The following KCNK2 variants were observed in gnomAD, a reference collection of about 807,000 sequenced individuals.
The protein encoded by KCNK2 is potassium channel subfamily K member 2.
Under a neutral mutation model 40.5 loss-of-function variants are expected in KCNK2, and 21 were observed. That is an observed-to-expected ratio of 0.52 (90% CI 0.37 to 0.75). The LOEUF is 0.75. Among genes scored for constraint, KCNK2 ranks in the 30% least tolerant of loss-of-function variants. The pLI, the probability that KCNK2 is intolerant of heterozygous loss-of-function variation, is 0.00. For missense variants in KCNK2, 399 were observed against 531.6 expected, an observed-to-expected ratio of 0.75 and a Z score of 2.45; for synonymous variants, 191 against 202.2, an observed-to-expected ratio of 0.94 and a Z score of 0.47.
intron 1 of KCNK2, among the ~76,000 whole-genome samples, chr1:215,065,230 A>G (rs972773005): frequency 4.6e-5 from 7 of 152,236 alleles, no homozygotes; most frequent in Non-Finnish European, 1.0e-4. Context: ...GCCCTGAGAT[A>G]AATCTTACAA....
At position 215,107,249 on chromosome 1, in the gene KCNK2, T is replaced by C. The variant is rs553844054; in HGVS notation, c.358-17384T>C. 3.9e-5 allele frequency among the ~76,000 whole-genome samples: 6 copies of C among 152,228 alleles called. No individual in the cohort carries two copies. The South Asian group carries it at 1.0e-3, about 26-fold the overall frequency. The stretch of plus-strand genomic sequence containing the variant: ...AACACTTTTCCATCTGTTTGTGTCA[T>C]CTATGATATTTTTCAGCAGTGTCAT... On this transcript the variant is annotated intron_variant, in intron 2 of 6. Coordinates refer to ENST00000444842, the MANE Select transcript of KCNK2 (RefSeq NM_001017425.3).
chr1:215,119,898 G>T (rs1661105437), intron 2 of KCNK2, among the ~76,000 whole-genome samples: 1 of 152,208 alleles, frequency 6.6e-6, no homozygotes, highest in Non-Finnish European at 1.5e-5. Context: ...CTGAACTGAT[G>T]TTGAAATTTC....
intron 6 of KCNK2, among the ~76,000 whole-genome samples, chr1:215,213,526 G>C (rs924585833): frequency 1.3e-5 from 2 of 152,134 alleles, no homozygotes; most frequent in African/African-American, 2.4e-5. Flanking sequence ...CAGGAGAATC[G>C]CTTGAACCCG....
intron 5 of KCNK2, 150 bp from the exon 6 acceptor site, chr1:215,194,803 C>A: frequency 5.3e-6 from 3 of 569,460 alleles, no homozygotes; most frequent in East Asian, 3.2e-5. Flanking sequence ...AGGAGAAATT[C>A]AAAATGAAGA....
intron 3 of KCNK2, among the ~76,000 whole-genome samples, chr1:215,168,898 A>G (rs1001492989): frequency 2.0e-5 from 3 of 152,130 alleles, no homozygotes; most frequent in Non-Finnish European, 2.9e-5. Flanking sequence ...TTTAATGAAA[A>G]TATGATTTTG....
chr1:215,016,939 C>T (rs7535449), intron 1 of KCNK2, among the ~76,000 whole-genome samples: 35,225 of 151,992 alleles, frequency 0.23, 4,725 homozygotes, highest in South Asian at 0.5. Flanking sequence ...GGGCAAAGGA[C>T]CTGAGTAGAC....
intron 6 of KCNK2, among the ~76,000 whole-genome samples, chr1:215,227,826 G>A (rs1666453583): frequency 6.6e-6 from 1 of 152,048 alleles, no homozygotes; most frequent in Non-Finnish European, 1.5e-5. Flanking sequence ...AATTGGAGCT[G>A]GTTGTAAGAT....
chr1:215,219,653 CTCTG>C (rs746461303), intron 6 of KCNK2, among the ~76,000 whole-genome samples: 3 of 152,078 alleles, frequency 2.0e-5, no homozygotes, highest in Admixed American at 1.3e-4. Flanking sequence ...CTCCTCTTTT[CTCTG>C]TCTATTTAAT....
intron 3 of KCNK2, among the ~76,000 whole-genome samples, chr1:215,133,702 A>G (rs1470408604): frequency 6.6e-6 from 1 of 151,630 alleles, no homozygotes; most frequent in Non-Finnish European, 1.5e-5. Context: ...GGTAGGGTGC[A>G]TATTGCATGA....
chr1:215,177,098 A>C (rs569248502), intron 5 of KCNK2, among the ~76,000 whole-genome samples: 1 of 152,020 alleles, frequency 6.6e-6, no homozygotes, highest in East Asian at 1.9e-4. Flanking sequence ...ACTGATGTTG[A>C]GTTTTTTTTC....
intron 5 of KCNK2, among the ~76,000 whole-genome samples, chr1:215,176,936 C>T (rs986208405): frequency 1.3e-5 from 2 of 152,164 alleles, no homozygotes; most frequent in African/African-American, 4.8e-5. Context: ...AATGGTTGAA[C>T]TAATTTACAT....
At chr1:215,070,407 C>T (rs1293601462) in intron 1 of KCNK2, among the ~76,000 whole-genome samples, 187 of 114,092 alleles carry the variant, frequency 1.6e-3, no homozygotes, top group Non-Finnish European at 2.2e-3. Context: ...CAGAGTGAGA[C>T]CCCGTCTTAA....
At chr1:215,163,924 C>T (rs1181639088) in intron 3 of KCNK2, among the ~76,000 whole-genome samples, 1 of 152,074 alleles carries the variant, frequency 6.6e-6, no homozygotes, top group Non-Finnish European at 1.5e-5. Context: ...CAGGATGATG[C>T]TGGCCTCATA....
intron 6 of KCNK2, among the ~76,000 whole-genome samples, chr1:215,230,020 T>C (rs1666557328): frequency 7.5e-6 from 1 of 132,610 alleles, no homozygotes; most frequent in African/African-American, 3.8e-5. Context: ...ACACAGATTA[T>C]ATATATATAT....
chr1:215,215,758 C>T (rs1665935561), intron 6 of KCNK2, among the ~76,000 whole-genome samples: 8 of 152,100 alleles, frequency 5.3e-5, no homozygotes, highest in Admixed American at 5.2e-4. Context: ...TTATTTTTCC[C>T]CATATTCCAA....
intron 6 of KCNK2, among the ~76,000 whole-genome samples, chr1:215,223,763 A>G (rs1666276460): frequency 6.6e-6 from 1 of 152,174 alleles, no homozygotes; most frequent in African/African-American, 2.4e-5. Flanking sequence ...GAGATGGACT[A>G]TTTAGAAAAC....
chr1:215,022,268 C>T (rs1656832849), intron 1 of KCNK2, among the ~76,000 whole-genome samples: 1 of 152,086 alleles, frequency 6.6e-6, no homozygotes, highest in African/African-American at 2.4e-5. Flanking sequence ...CCCATGTTTT[C>T]TTCTGGGTTC....
intron 6 of KCNK2, among the ~76,000 whole-genome samples, chr1:215,220,455 C>A (rs1666124872): frequency 6.6e-6 from 1 of 152,172 alleles, no homozygotes; most frequent in African/African-American, 2.4e-5. Context: ...TCACCCATCT[C>A]AGACTCTGAA....
intron 1 of KCNK2, among the ~76,000 whole-genome samples, chr1:215,075,390 T>C (rs1288062721): frequency 6.6e-6 from 1 of 152,216 alleles, no homozygotes; most frequent in Admixed American, 6.5e-5. Context: ...GGTGAGGCAC[T>C]TTAATTTGAA....
Sources: gnomAD v4.1 joint callset for allele counts (sites outside exome capture counted in the v4.1 genomes callset) on GRCh38, gnomAD v4.1.1 for gene constraint, MANE v1.5 for transcripts, NCBI Gene and HGNC (gene_info 2026-07-23, HGNC 2026-07-21) for gene names.